Variants in NACC2 observed in about 807,000 individuals in gnomAD.
The protein encoded by NACC2 is nucleus accumbens-associated protein 2.
Under a neutral mutation model 25.1 loss-of-function variants are expected in NACC2, and 8 were observed. The observed-to-expected ratio is 0.32, with a 90% CI of 0.19 to 0.57. The LOEUF (loss-of-function observed/expected upper bound fraction) is 0.57, where lower values mean the gene tolerates loss of function less well. Among genes scored for constraint, NACC2 ranks in the 20% least tolerant of loss-of-function variants. NACC2 has a pLI of 0.89. For missense variants in NACC2, 644 were observed against 650.2 expected (o/e 0.99, Z 0.10); for synonymous variants, 435 against 294.7 (o/e 1.48, Z -4.88).
intron 2 of NACC2, among the ~76,000 whole-genome samples, chr9:136,045,853 C>T (rs1840714646): frequency 6.6e-6 from 1 of 152,158 alleles, no homozygotes; most frequent in African/African-American, 2.4e-5. Flanking sequence ...CCAAGGAGAC[C>T]ACGGGAACAG....
intron 2 of NACC2, among the ~76,000 whole-genome samples, chr9:136,017,752 G>C (rs1840224303): frequency 6.6e-6 from 1 of 152,224 alleles, no homozygotes; most frequent in Non-Finnish European, 1.5e-5. Context: ...CTGTGTCCCA[G>C]CACAAAAGGC....
At chr9:136,034,705 A>G (rs769157710) in intron 2 of NACC2, among the ~76,000 whole-genome samples, 33,775 of 152,110 alleles carry the variant, frequency 0.22, 3,945 homozygotes, top group East Asian at 0.27. Context: ...GTAACAATAA[A>G]TGAAGGAATA....
chr9:136,062,868 G>C (rs1841031373), intron 1 of NACC2, among the ~76,000 whole-genome samples: 1 of 152,190 alleles, frequency 6.6e-6, no homozygotes, highest in African/African-American at 2.4e-5. Flanking sequence ...AGTGTGCCGT[G>C]ATCGTGCCAC....
chr9:136,029,884 C>A (rs1448716533), intron 2 of NACC2, among the ~76,000 whole-genome samples: 2 of 152,144 alleles, frequency 1.3e-5, no homozygotes, highest in Non-Finnish European at 2.9e-5. Context: ...GGGATCCGGG[C>A]CGGTAGTGCA....
intron 1 of NACC2, among the ~76,000 whole-genome samples, chr9:136,072,562 A>G (rs975503351): frequency 6.6e-6 from 1 of 151,786 alleles, no homozygotes; most frequent in Non-Finnish European, 1.5e-5. Flanking sequence ...AAAAGAAAAG[A>G]AAAAAAAGGC....
At position 136,011,543 on chromosome 9, in the gene NACC2, C is replaced by T. The variant is rs377539016; in HGVS notation, c.1737G>A (p.Pro579=). The part of the protein sequence containing the change: ...PQTPAAAARR[P]EGTYAGTL ...ACAAGGTCCCTGCATAGGTGCCCTCCGGCCTCCGGGCCGCGGCCGCCGGCG... is the reference window on the plus strand; with the variant it reads ...ACAAGGTCCCTGCATAGGTGCCCTCTGGCCTCCGGGCCGCGGCCGCCGGCG... The change falls in exon 6 of 6, where the codon CCG becomes CCA. Residue 579 remains proline (P), a synonymous_variant. Transcript: ENST00000277554. The T allele has an allele frequency of 1.5e-5, 21 of 1,409,298 alleles. No homozygotes were observed. The highest frequency in any genetic ancestry group is 6.0e-5 in the African/African-American group (4 of 66,672). The allele number at this position is 1,409,298 out of a possible 1,614,324, so 87.3% of individuals were successfully genotyped here.
Position 136,049,859 on chromosome 9 carries a change from G to A in NACC2, c.663C>T (p.Val221=), listed in dbSNP as rs1213129763. 7.6e-6 allele frequency: 5 copies of A among 659,834 alleles called. No individual in the cohort carries two copies. The highest frequency in any genetic ancestry group is 1.8e-5 in the African/African-American group (1 of 55,224). The allele number at this position is 659,834 out of a possible 1,614,324, so 40.9% of individuals were successfully genotyped here. The change falls in exon 2 of 6, where the codon GTC becomes GTT. Residue 221 remains valine (V), a synonymous_variant. Transcript: ENST00000277554. ...CCAGGCTGGGCACCCCGTAGTAGGA[G>A]ACACGGGGCAGTTTGAGAGGGGCTG... ...AGTAPLKLPR[V]SYYGVPSLAT... is the part of the protein sequence containing the mutation.
chr9:136,079,886 T>C (rs1830302896), intron 1 of NACC2, among the ~76,000 whole-genome samples: 1 of 152,220 alleles, frequency 6.6e-6, no homozygotes, highest in African/African-American at 2.4e-5. Context: ...AGCCGTGCTG[T>C]GGAAGGAGCC....
At chr9:136,085,443 C>T (rs1156474861) in intron 1 of NACC2, among the ~76,000 whole-genome samples, 1 of 148,916 alleles carries the variant, frequency 6.7e-6, no homozygotes, top group Admixed American at 6.8e-5. Flanking sequence ...CACCTGAGCC[C>T]GAGTTTGAGG....
intron 1 of NACC2, among the ~76,000 whole-genome samples, chr9:136,085,105 C>T (rs1272479447): frequency 6.9e-6 from 1 of 145,872 alleles, no homozygotes; most frequent in Non-Finnish European, 1.5e-5. Context: ...GAATTTATAG[C>T]CTGGGCAACA....
chr9:136,023,800 G>A (rs992848269), intron 2 of NACC2, among the ~76,000 whole-genome samples: 14 of 152,232 alleles, frequency 9.2e-5, no homozygotes, highest in South Asian at 6.2e-4. Context: ...CACATGGCAC[G>A]GGTCACTGTG....
rs747523822 is a variant in NACC2 at position 136,013,275 on chromosome 9, G to A, written c.1179C>T (p.Cys393=). Reference sequence around the variant, plus strand: ...TGGTGGACGAGCGGATGCCAGTCCCGCAGCTGTTGGCCAGCGTGTTCCTGG... The same window carrying A: ...TGGTGGACGAGCGGATGCCAGTCCCACAGCTGTTGGCCAGCGTGTTCCTGG... The part of the protein sequence containing the change: ...FFDRNTLANS[C]GTGIRSSTSD... Residue 393 remains cysteine, a synonymous_variant, in exon 5 of 6, where the codon TGC becomes TGT. Coordinates refer to ENST00000277554, the MANE Select transcript of NACC2 (RefSeq NM_144653.5). The surrounding 1 kb of genome is among the most constrained non-coding windows in gnomAD (Gnocchi z 6.6). 22 of 1,593,008 alleles carry A rather than the reference G, an allele frequency of 1.4e-5. No homozygotes were observed. The highest frequency in any genetic ancestry group is 9.9e-5 in the South Asian group (9 of 90,674).
At chr9:136,067,267 CAAA>C (rs58132081) in intron 1 of NACC2, among the ~76,000 whole-genome samples, 8 of 93,626 alleles carry the variant, frequency 8.5e-5, no homozygotes, top group Non-Finnish European at 1.3e-4. Flanking sequence ...AACTCTGTCT[CAAA>C]AAAAAAAAAA....
chr9:136,035,271 C>G (rs1253313217), intron 2 of NACC2, among the ~76,000 whole-genome samples: 1 of 151,980 alleles, frequency 6.6e-6, no homozygotes, highest in Non-Finnish European at 1.5e-5. Context: ...ACCACCTGCA[C>G]CAAACCATCA....
In NACC2 at chr9:136,061,698, C is replaced by T. The variant is rs541479771; in HGVS notation, c.-59-11118G>A. On this transcript the variant is annotated intron_variant, in intron 1 of 5. Coordinates refer to ENST00000277554, the MANE Select transcript of NACC2 (RefSeq NM_144653.5). ...TCCTCCTGGTCAGAAAGAGGCAGAT[C>T]GGAGGTCTAGCAGGCTCAGGAACCA... 3.5e-4 allele frequency among the ~76,000 whole-genome samples: 53 copies of T among 152,272 alleles called. No individual in the cohort carries two copies. In the South Asian group the frequency reaches 3.5e-3, roughly 10 times the overall value.
At position 136,013,131 on chromosome 9, in the gene NACC2, G is replaced by C. The variant is rs558234827; in HGVS notation, c.1255+68C>G. 145 of 1,415,728 alleles carry C rather than the reference G, an allele frequency of 1.0e-4. 1 individual carries two copies. In the South Asian group the frequency reaches 1.7e-3, roughly 16 times the overall value. 87.7% of individuals were successfully genotyped at this position (1,415,728 alleles called of 1,614,324 possible). A position where few individuals can be genotyped will look rare whatever the true frequency, so the allele number is the denominator to read the frequency against. On this transcript the variant is annotated intron_variant, in intron 5 of 5. Transcript: ENST00000277554. This position sits in a 1 kb window ranked among gnomAD's most constrained non-coding sequence, Gnocchi z 6.6. ...CGGGAGCACCCCCGCGGCCCACCCA[G>C]TCCTCCTCAGGCTGGGATCTGAACC...
rs1220999624 is a variant in NACC2, at chr9:136,086,334, G to C, written c.-60+8855C>G. On this transcript the variant is annotated intron_variant, in intron 1 of 5. Coordinates refer to ENST00000277554, the MANE Select transcript of NACC2 (RefSeq NM_144653.5). The surrounding 1 kb of genome is among the most constrained non-coding windows in gnomAD (Gnocchi z 5.6). ...GAGCTGGGAGGGGTTTGGGGGGTGG[G>C]GGTGCCTCTGTTTTCCTGCATCATC... Among the ~76,000 whole-genome samples the C allele has an allele frequency of 1.3e-5, 2 of 152,266 alleles. No homozygotes were observed. Among genetic ancestry groups the C allele is most frequent in the Middle Eastern group, 6.8e-3 (2 of 294 alleles).
chr9:136,070,440 G>T (rs959386581), intron 1 of NACC2, among the ~76,000 whole-genome samples: 3 of 151,842 alleles, frequency 2.0e-5, no homozygotes, highest in Admixed American at 2.0e-4. Context: ...CCGGGAAGCG[G>T]AGGTTGCAGT....
chr9:136,024,157 T>A lies in NACC2; in HGVS notation c.887-7728A>T, dbSNP rs1024808580. ...GGACAGTGTGTGTGTGGGGACAGAG[T>A]GTGTGTGTGTGTGTGTGTGTGAGGA... On this transcript the variant is annotated intron_variant, in intron 2 of 5. Coordinates refer to ENST00000277554, the MANE Select transcript of NACC2 (RefSeq NM_144653.5). Among the ~76,000 whole-genome samples, 18 of 30,464 alleles carry A rather than the reference T, an allele frequency of 5.9e-4. 1 individual carries two copies. The highest frequency in any genetic ancestry group is 8.3e-4 in the Non-Finnish European group (15 of 18,138). The allele number at this position is 30,464 out of a possible 152,430, so 20.0% of individuals were successfully genotyped here.
Sources: gnomAD v4.1 joint callset for allele counts (sites outside exome capture counted in the v4.1 genomes callset) on GRCh38, gnomAD v4.1.1 for gene constraint, Gnocchi (gnomAD v3.1) non-coding constraint, MANE v1.5 for transcripts, NCBI Gene and HGNC (gene_info 2026-07-23, HGNC 2026-07-21) for gene names.